Variants in OOEP observed in about 807,000 individuals in gnomAD.
OOEP encodes oocyte expressed protein, also known as oocyte-expressed protein homolog.
Under a neutral mutation model 13.7 loss-of-function variants are expected in OOEP, and 16 were observed. That is an observed-to-expected ratio of 1.16 (90% CI 0.79 to 1.77). The LOEUF is 1.77. OOEP is among the 40% of genes most tolerant of loss of function. The probability of loss-of-function intolerance (pLI) is 0.00; values close to 1 mark genes in which losing one functional copy is unlikely to be tolerated. For missense variants in OOEP, 195 were observed against 193.1 expected (o/e 1.01, Z -0.06); for synonymous variants, 89 against 77.1 (o/e 1.15, Z -0.81).
chr6:73,380,675 A>G (rs1769194094), intron 2 of OOEP, among the ~76,000 whole-genome samples: 1 of 152,208 alleles, frequency 6.6e-6, no homozygotes, highest in South Asian at 2.1e-4. Flanking sequence ...TTAATGATTT[A>G]TATAATTTTT....
At chr6:73,391,630 CCTT>C (rs1216380393) in intron 2 of OOEP, 2 of 154,922 alleles carry the variant, frequency 1.3e-5, no homozygotes, top group African/African-American at 4.8e-5. Flanking sequence ...ACCACATAAC[CCTT>C]CTATTCTTCA....
At chr6:73,391,440 G>C (rs1228011463) in intron 2 of OOEP, 1 of 152,380 alleles carries the variant, frequency 6.6e-6, no homozygotes, top group Non-Finnish European at 1.5e-5. Flanking sequence ...AACAATAACT[G>C]AGTTGAGAAT....
intron 2 of OOEP, among the ~76,000 whole-genome samples, chr6:73,379,110 T>C (rs1349903164): frequency 6.6e-6 from 1 of 151,504 alleles, no homozygotes; most frequent in Non-Finnish European, 1.5e-5. Flanking sequence ...CTGCAACCTC[T>C]ACCTCCAGGG....
At chr6:73,369,151 G>A in intron 2 of OOEP, 55 bp downstream of exon 2, 3 of 1,529,944 alleles carry the variant, frequency 2.0e-6, no homozygotes, top group Non-Finnish European at 2.7e-6. Flanking sequence ...AACCGAGCAA[G>A]GCCAGTATGG....
Position 73,392,936 on chromosome 6 carries a change from T to C in OOEP, c.25+1410A>G, listed in dbSNP as rs554616460. On this transcript the variant is annotated intron_variant, in intron 2 of 3. Transcript: ENST00000370363. ...TGAGCCACCACATCCAGCCAATATT[T>C]TTTGCATTTTTATTAGAGATGGGGT... 5.8e-4 allele frequency among the ~76,000 whole-genome samples: 88 copies of C among 151,494 alleles called. 1 individual carries two copies. The South Asian group carries it at 0.018, about 30-fold the overall frequency.
intron 2 of OOEP, among the ~76,000 whole-genome samples, chr6:73,380,855 T>C (rs1344147865): frequency 3.3e-5 from 5 of 152,034 alleles, no homozygotes; most frequent in Non-Finnish European, 7.4e-5. Context: ...GGATGTTGAT[T>C]AATACAATCA....
At chr6:73,392,829 A>G (rs1252006182) in intron 2 of OOEP, among the ~76,000 whole-genome samples, 2 of 150,804 alleles carry the variant, frequency 1.3e-5, no homozygotes, top group African/African-American at 2.4e-5. Flanking sequence ...ATGGGGTTTT[A>G]CCATGTTGGC....
chr6:73,370,160 A>C, upstream of OOEP: 1 of 218,368 alleles, frequency 4.6e-6, no homozygotes, highest in Non-Finnish European at 9.2e-6. Context: ...CGACTCTATT[A>C]ATAGACTGGG....
chr6:73,382,716 AATTTTTACTTTT>A (rs1322449627), intron 2 of OOEP, among the ~76,000 whole-genome samples: 1 of 151,006 alleles, frequency 6.6e-6, no homozygotes, highest in Non-Finnish European at 1.5e-5. Context: ...ATGCCCTGCT[AATTTTTACTTTT>A]ATTTTTATAG....
At chr6:73,373,814 C>T (rs1194325863), upstream of OOEP, among the ~76,000 whole-genome samples, 1 of 152,212 alleles carries the variant, frequency 6.6e-6, no homozygotes, top group East Asian at 1.9e-4. Flanking sequence ...GTCTCGAACT[C>T]CTGACCTCAG....
intron 2 of OOEP, among the ~76,000 whole-genome samples, chr6:73,383,512 G>A (rs1426098188): frequency 2.0e-5 from 3 of 152,126 alleles, no homozygotes; most frequent in Non-Finnish European, 4.4e-5. Context: ...GCACATGCCT[G>A]TAGTCTCAGC....
upstream of OOEP, among the ~76,000 whole-genome samples, chr6:73,371,360 C>T (rs914188976): frequency 3.9e-5 from 6 of 151,986 alleles, no homozygotes; most frequent in South Asian, 2.1e-4. Context: ...CCCAGCACTT[C>T]GGGAGGCCAA....
chr6:73,372,188 T>C (rs1346136825), upstream of OOEP, among the ~76,000 whole-genome samples: 1 of 152,172 alleles, frequency 6.6e-6, no homozygotes, highest in African/African-American at 2.4e-5. Context: ...TTACCCAGCA[T>C]GTATAGAATT....
intron 2 of OOEP, among the ~76,000 whole-genome samples, chr6:73,385,562 CAA>C (rs1308214825): frequency 1.3e-5 from 2 of 151,302 alleles, no homozygotes; most frequent in Non-Finnish European, 2.9e-5. Context: ...ACTAGGAATA[CAA>C]AGTCTCTTCC....
upstream of OOEP, among the ~76,000 whole-genome samples, chr6:73,373,700 C>T (rs1256618428): frequency 1.3e-5 from 2 of 152,070 alleles, no homozygotes; most frequent in Non-Finnish European, 2.9e-5. Context: ...AGTGATTCTC[C>T]TGCCTAGGCC....
At chr6:73,371,129 G>A (rs1001345995), upstream of OOEP, among the ~76,000 whole-genome samples, 18 of 152,084 alleles carry the variant, frequency 1.2e-4, no homozygotes, top group African/African-American at 4.1e-4. Context: ...TCAAAATAGT[G>A]AAAAGCATGT....
At chr6:73,370,022 A>G, upstream of OOEP, 1 of 557,344 alleles carries the variant, frequency 1.8e-6, no homozygotes, top group Non-Finnish European at 3.2e-6. Context: ...TTGACCTTGA[A>G]CTAGTATTCA....
intron 2 of OOEP, among the ~76,000 whole-genome samples, chr6:73,381,207 A>AAAAAAAAAAAAAAAAAAAAAAGAAT (rs1479568667): frequency 1.1e-4 from 1 of 9,368 alleles, no homozygotes; most frequent in South Asian, 5.0e-3. Context: ...AAAAGTGTTA[A>AAAAAAAAAAAAAAAAAAAAAAGAAT]AAAAAAAAAA....
upstream of OOEP, among the ~76,000 whole-genome samples, chr6:73,370,696 A>G (rs1769035661): frequency 6.6e-6 from 1 of 152,178 alleles, no homozygotes; most frequent in Admixed American, 6.5e-5. Context: ...ATTTTCTACT[A>G]TATTTGTAGA....
Sources: gnomAD v4.1 joint callset for allele counts (sites outside exome capture counted in the v4.1 genomes callset) on GRCh38, gnomAD v4.1.1 for gene constraint, MANE v1.5 for transcripts, NCBI Gene and HGNC (gene_info 2026-07-23, HGNC 2026-07-21) for gene names.